Variants in PTGER3 observed in about 807,000 individuals in gnomAD.
PTGER3 encodes the protein prostaglandin E2 receptor EP3 subtype.
In PTGER3, 22 loss-of-function variants were observed where a neutral mutation model predicts 34.7. The ratio of observed to expected loss-of-function variants is 0.63; its 90% CI spans 0.45 to 0.91. The LOEUF (loss-of-function observed/expected upper bound fraction) is 0.91, where lower values mean the gene tolerates loss of function less well. Ranked by LOEUF, PTGER3 falls within the 40% of genes least tolerant of loss-of-function variation. The probability of loss-of-function intolerance (pLI) is 0.00; values close to 1 mark genes in which losing one functional copy is unlikely to be tolerated. For missense variants in PTGER3, 468 were observed against 519.4 expected (o/e 0.90, Z 0.96); for synonymous variants, 241 against 230.1 (o/e 1.05, Z -0.43).
intron 4 of PTGER3, among the ~76,000 whole-genome samples, chr1:70,930,774 C>T (rs962382726): frequency 1.3e-5 from 2 of 152,156 alleles, no homozygotes; most frequent in Admixed American, 1.3e-4. Flanking sequence ...CCTGGTCCCT[C>T]CCACAGAACA....
chr1:70,865,124 C>T (rs1329870086), intron 4 of PTGER3, among the ~76,000 whole-genome samples: 1 of 152,098 alleles, frequency 6.6e-6, no homozygotes, highest in Admixed American at 6.6e-5. Flanking sequence ...ATCTACAATC[C>T]GTTTAGAATT....
chr1:71,005,301 A>G (rs1423754834), intron 2 of PTGER3, among the ~76,000 whole-genome samples: 1 of 152,208 alleles, frequency 6.6e-6, no homozygotes, highest in Admixed American at 6.5e-5. Context: ...CAGGACCACT[A>G]AAGTTTAGTC....
chr1:70,863,474 T>G (rs1374839122), intron 4 of PTGER3, among the ~76,000 whole-genome samples: 2 of 152,114 alleles, frequency 1.3e-5, no homozygotes, highest in African/African-American at 4.8e-5. Flanking sequence ...AGAAGAAAAT[T>G]TTGACTCTAG....
intron 1 of PTGER3, among the ~76,000 whole-genome samples, chr1:71,032,402 T>C (rs1659487637): frequency 6.6e-6 from 1 of 151,816 alleles, no homozygotes; most frequent in Admixed American, 6.5e-5. Context: ...AGAAAAAATC[T>C]ATGATGTCTA....
chr1:71,037,533 G>A (rs1332512399), intron 1 of PTGER3, among the ~76,000 whole-genome samples: 4 of 152,258 alleles, frequency 2.6e-5, no homozygotes, highest in African/African-American at 7.2e-5. Context: ...ATAAAAGAAT[G>A]TGTGATCTAT....
At chr1:70,972,692 A>C (rs1653215070) in intron 3 of PTGER3, among the ~76,000 whole-genome samples, 1 of 152,112 alleles carries the variant, frequency 6.6e-6, no homozygotes, top group Admixed American at 6.5e-5. Flanking sequence ...TAAATATTAA[A>C]ATGGCTTCAC....
Position 71,047,768 on chromosome 1 carries a change from C to T in PTGER3, c.-191G>A, listed in dbSNP as rs1277673417. 1 of 476,060 alleles carries T rather than the reference C, an allele frequency of 2.1e-6. No individual in the cohort carries two copies. 29.5% of individuals were successfully genotyped at this position (476,060 alleles called of 1,614,324 possible). A position where few individuals can be genotyped will look rare whatever the true frequency, so the allele number is the denominator to read the frequency against. On this transcript the variant is annotated 5_prime_UTR_variant, in exon 1 of 4. Coordinates refer to ENST00000306666, the MANE Select transcript of PTGER3 (RefSeq NM_198719.2). ...CGCGGCGGCGCCAGGGCTCACTGGC[C>T]CGGGAGGGAGCCACGCCTTCCTCTC... is the stretch of plus-strand genomic sequence containing the variant.
At chr1:70,941,029 G>A (rs1287562105) in intron 4 of PTGER3, among the ~76,000 whole-genome samples, 1 of 152,178 alleles carries the variant, frequency 6.6e-6, no homozygotes, top group Non-Finnish European at 1.5e-5. Context: ...CAGCAAGATA[G>A]TTGGAAGAAT....
At chr1:71,007,006 T>C in intron 2 of PTGER3, 1 of 985,716 alleles carries the variant, frequency 1.0e-6, no homozygotes, top group Non-Finnish European at 1.2e-6. Context: ...TCCACAGTAT[T>C]GAAGACCAGC....
intron 1 of PTGER3, among the ~76,000 whole-genome samples, chr1:71,037,197 C>T (rs1182220550): frequency 6.6e-6 from 1 of 152,184 alleles, no homozygotes; most frequent in East Asian, 1.9e-4. Flanking sequence ...CACAGTAAGA[C>T]CTATCCGACT....
At position 71,046,932 on chromosome 1, in the gene PTGER3, C is replaced by T. The variant is rs767646488; in HGVS notation, c.646G>A (p.Gly216Ser). The T allele has an allele frequency of 2.8e-5, 45 of 1,608,074 alleles. No homozygotes were observed. The highest frequency in any genetic ancestry group is 3.8e-5 in the Non-Finnish European group (45 of 1,177,384). The change falls in exon 1 of 4, where the codon GGC becomes AGC. Residue 216 changes from glycine to serine, a missense_variant. Gly to Ser is a moderately conservative substitution (Grantham distance 56). This residue lies in a region of PTGER3 where 204 missense variants were observed against 230.8 expected (regional missense o/e 0.88). Coordinates refer to ENST00000306666, the MANE Select transcript of PTGER3 (RefSeq NM_198719.2). ...TWCFISTGRG[G>S]NGTSSSHNWG... ...TTATGCGAAGAGCTAGTCCCGTTGC[C>T]CCCTCGCCCGGTGCTGATGAAGCAC...
intron 2 of PTGER3, among the ~76,000 whole-genome samples, chr1:70,963,873 G>C (rs745687524): frequency 6.4e-4 from 97 of 152,228 alleles, no homozygotes; most frequent in Non-Finnish European, 1.2e-3. Flanking sequence ...GCATGGTCAG[G>C]CTGCAAATTT....
rs926117146 is a variant in PTGER3 at position 71,047,340 on chromosome 1, G to A, written c.238C>T (p.Arg80Trp). The A allele has an allele frequency of 3.1e-6, 5 of 1,607,898 alleles. No homozygotes were observed. The highest frequency in any genetic ancestry group is 4.2e-6 in the Non-Finnish European group (5 of 1,177,942). ...AAGGACTTCTTGCGCTTGCTCTCCC[G>A]GCGCCGGTAGCTGCGCGACACGAGC... is the stretch of plus-strand genomic sequence containing the variant. ...MLLVSRSYRRRESKRKKSFLL... is the reference protein window; with the variant it reads ...MLLVSRSYRRWESKRKKSFLL... Residue 80 changes from arginine (R) to tryptophan (W), a missense_variant, in exon 1 of 4, where the codon CGG becomes TGG. Arg to Trp is a moderately radical substitution (Grantham distance 101). This residue lies in a region of PTGER3 where 151 missense variants were observed against 133.5 expected (regional missense o/e 1.13). Transcript: ENST00000306666.
intron 2 of PTGER3, among the ~76,000 whole-genome samples, chr1:70,995,767 A>T (rs1169071296): frequency 1.3e-5 from 2 of 152,160 alleles, no homozygotes; most frequent in Non-Finnish European, 2.9e-5. Flanking sequence ...TACTTTTATA[A>T]GTGTTCACTA....
chr1:71,042,662 T>G (rs1035839609), intron 1 of PTGER3, among the ~76,000 whole-genome samples: 4 of 152,202 alleles, frequency 2.6e-5, no homozygotes, highest in African/African-American at 9.7e-5. Context: ...GAATAATACT[T>G]TTATATGCTA....
intron 2 of PTGER3, chr1:71,012,055 G>C (rs1185392599): frequency 7.0e-7 from 1 of 1,434,394 alleles, no homozygotes; most frequent in African/African-American, 1.4e-5. Flanking sequence ...ACTACTTTTG[G>C]CACATAGGGA....
intron 4 of PTGER3, among the ~76,000 whole-genome samples, chr1:70,916,104 A>G (rs1316348678): frequency 6.6e-6 from 1 of 152,122 alleles, no homozygotes; most frequent in African/African-American, 2.4e-5. Flanking sequence ...AAAAGAAGAC[A>G]TACAAGCAAC....
chr1:70,884,530 C>A (rs1300530824), intron 4 of PTGER3, among the ~76,000 whole-genome samples: 1 of 152,112 alleles, frequency 6.6e-6, no homozygotes, highest in African/African-American at 2.4e-5. Flanking sequence ...TCCTGCTGAC[C>A]TTAGAAGATG....
intron 1 of PTGER3, among the ~76,000 whole-genome samples, chr1:71,036,849 A>AAT (rs1223103362): frequency 6.6e-6 from 1 of 151,854 alleles, no homozygotes; most frequent in African/African-American, 2.4e-5. Flanking sequence ...AAAAAAAAAA[A>AAT]AGAAAGGGAA....
Sources: gnomAD v4.1 joint callset for allele counts (sites outside exome capture counted in the v4.1 genomes callset) on GRCh38, gnomAD v4.1.1 for gene constraint, gnomAD v4.1.1 regional missense constraint, MANE v1.5 for transcripts, NCBI Gene and HGNC (gene_info 2026-07-23, HGNC 2026-07-21) for gene names.